The following HGSNAT variants were observed in gnomAD, a reference collection of about 807,000 sequenced individuals.
The protein encoded by HGSNAT is transmembrane protein 76.
In HGSNAT, 59 loss-of-function variants were observed where a neutral mutation model predicts 85.2. That is an observed-to-expected ratio of 0.69 (90% CI 0.56 to 0.86). The LOEUF is 0.86. Ranked by LOEUF, HGSNAT falls within the 40% of genes least tolerant of loss-of-function variation. The pLI is 0.00. For synonymous variants in HGSNAT, 321 were observed against 304.5 expected (o/e 1.05, Z -0.56); for missense variants, 756 against 777.1 (o/e 0.97, Z 0.32).
At chr8:43,180,116 C>T (rs1265770687) in intron 10 of HGSNAT, among the ~76,000 whole-genome samples, 1 of 137,278 alleles carries the variant, frequency 7.3e-6, no homozygotes, top group Non-Finnish European at 1.6e-5. Context: ...CCCCCCCCAC[C>T]GCCTCCCTCC....
In HGSNAT at chr8:43,164,845, T is replaced by C. The variant is rs577630576; in HGVS notation, c.563+3338T>C. Among the ~76,000 whole-genome samples the C allele has an allele frequency of 1.3e-3, 195 of 152,160 alleles. 3 individuals carry two copies. Among genetic ancestry groups the C allele is most frequent in the Non-Finnish European group, 1.8e-3 (123 of 67,988 alleles). On this transcript the variant is annotated intron_variant, in intron 5 of 17. Transcript: ENST00000379644. ...CTTTTACTCAAACGCTTAGAAGCCA[T>C]TGTAGGGCAATTATAATTGGCCTAA...
chr8:43,140,528 T>C lies in HGSNAT; in HGVS notation c.32T>C (p.Leu11Pro), dbSNP rs1025643467. The change falls in exon 1 of 18, where the codon CTG becomes CCG. Residue 11 changes from leucine to proline, a missense_variant. Transcript: ENST00000379644. MSGAGRALAALLLAASVLSAA... is the reference protein window; with the variant it reads MSGAGRALAAPLLAASVLSAA... ...GGGGCGGGCAGGGCGCTGGCCGCGCTGCTGCTGGCCGCGTCCGTGCTGAGC... is the reference window on the plus strand; with the variant it reads ...GGGGCGGGCAGGGCGCTGGCCGCGCCGCTGCTGGCCGCGTCCGTGCTGAGC... The C allele has an allele frequency of 1.4e-5, 16 of 1,115,670 alleles. No homozygotes were observed. The Admixed American group carries it at 8.1e-4, about 57-fold the overall frequency. The allele number at this position is 1,115,670 out of a possible 1,614,324, so 69.1% of individuals were successfully genotyped here. A position where few individuals can be genotyped will look rare whatever the true frequency, so the allele number is the denominator to read the frequency against.
rs727503962 is a variant in HGSNAT at position 43,170,661 on chromosome 8, C to T, written c.710C>T (p.Pro237Leu). The change falls in exon 7 of 18, where the codon CCG becomes CTG. Residue 237 changes from proline to leucine, a missense_variant. Coordinates refer to ENST00000379644, the MANE Select transcript of HGSNAT (RefSeq NM_152419.3). ...GCAACGTGGCGTCTATCTGCCCTGC[C>T]GCCCCGCCTCCGCAGCGTGGACACC... ...QPATWRLSALPPRLRSVDTFR... is the reference protein window; with the variant it reads ...QPATWRLSALLPRLRSVDTFR... 117 of 1,607,410 alleles carry T rather than the reference C, an allele frequency of 7.3e-5. No individual in the cohort carries two copies. Among genetic ancestry groups the T allele is most frequent in the Non-Finnish European group, 8.8e-5 (104 of 1,177,152 alleles).
chr8:43,186,957 A>G (rs1034300224), intron 11 of HGSNAT, among the ~76,000 whole-genome samples: 1 of 152,058 alleles, frequency 6.6e-6, no homozygotes, highest in Admixed American at 6.6e-5. Flanking sequence ...CAGTTTTGAG[A>G]GAGTTTCTTA....
chr8:43,166,486 C>T (rs1345335499), intron 5 of HGSNAT, among the ~76,000 whole-genome samples: 1 of 152,216 alleles, frequency 6.6e-6, no homozygotes, highest in East Asian at 1.9e-4. Context: ...TCTCCTCTGT[C>T]TGTGCTCAAT....
chr8:43,180,730 G>C (rs1804056236), intron 10 of HGSNAT: 1 of 310,774 alleles, frequency 3.2e-6, no homozygotes, highest in Admixed American at 4.6e-5. Context: ...GGCTCTCCGG[G>C]AGGCCAAGGC....
chr8:43,161,575 C>T, intron 5 of HGSNAT, 68 bp downstream of exon 5: 1 of 1,199,426 alleles, frequency 8.3e-7, no homozygotes, highest in Non-Finnish European at 1.2e-6. Flanking sequence ...GAAGGGGCAG[C>T]TGTCACCCTC....
At chr8:43,165,441 G>A (rs61468554) in intron 5 of HGSNAT, among the ~76,000 whole-genome samples, 3,802 of 152,222 alleles carry the variant, frequency 0.025, 156 homozygotes, top group African/African-American at 0.086. Context: ...TTATCCTACA[G>A]TGGCTTCTAA....
intron 2 of HGSNAT, among the ~76,000 whole-genome samples, chr8:43,154,354 C>T (rs1055436431): frequency 7.7e-5 from 11 of 143,528 alleles, no homozygotes; most frequent in Admixed American, 4.9e-4. Context: ...CTCCCCCCAC[C>T]GCACAGCAGG....
intron 5 of HGSNAT, among the ~76,000 whole-genome samples, chr8:43,168,580 AG>A (rs552231132): frequency 1.2e-3 from 187 of 151,824 alleles, no homozygotes; most frequent in African/African-American, 4.4e-3. Flanking sequence ...TATTTTTAGT[AG>A]AGACATGGTT....
At chr8:43,167,372 C>T (rs570088409) in intron 5 of HGSNAT, among the ~76,000 whole-genome samples, 1 of 152,314 alleles carries the variant, frequency 6.6e-6, no homozygotes, top group South Asian at 2.1e-4. Context: ...GAAATTGCCA[C>T]AGCCACCTCA....
Position 43,150,821 on chromosome 8 carries a change from G to T in HGSNAT, c.234+3758G>T, listed in dbSNP as rs190092527. Among the ~76,000 whole-genome samples, 970 of 144,626 alleles carry T rather than the reference G, an allele frequency of 6.7e-3. 13 individuals are homozygous for T. Among genetic ancestry groups the T allele is most frequent in the African/African-American group, 0.023 (881 of 38,344 alleles). The allele number at this position is 144,626 out of a possible 152,430, so 94.9% of individuals were successfully genotyped here. ...TGCACTCCAGCCTGGGTGACAGAGC[G>T]AGACTCCGTTTCAAAATAAATAAAT... On this transcript the variant is annotated intron_variant, in intron 2 of 17. Transcript: ENST00000379644.
chr8:43,167,861 T>C, intron 5 of HGSNAT: 1 of 204,628 alleles, frequency 4.9e-6, no homozygotes, highest in Non-Finnish European at 1.0e-5. Flanking sequence ...TTAATATATT[T>C]ATCTTTTGTT....
intron 2 of HGSNAT, among the ~76,000 whole-genome samples, chr8:43,149,397 T>C (rs1459173835): frequency 6.6e-6 from 1 of 152,114 alleles, no homozygotes; most frequent in Non-Finnish European, 1.5e-5. Context: ...TGAAATTTAA[T>C]GATAATTTTT....
At chr8:43,195,429 G>T (rs1363193021) in intron 14 of HGSNAT, among the ~76,000 whole-genome samples, 1 of 152,042 alleles carries the variant, frequency 6.6e-6, no homozygotes, top group African/African-American at 2.4e-5. Context: ...AGTGGGAGTG[G>T]ATCATCATGA....
chr8:43,161,477 T>G lies in HGSNAT; in HGVS notation c.533T>G (p.Ile178Ser), dbSNP rs752128693. 7 of 1,611,430 alleles carry G rather than the reference T, an allele frequency of 4.3e-6. No individual in the cohort carries two copies. In the Admixed American group the frequency reaches 1.2e-4, roughly 27 times the overall value. ...TTCCTTATTGGTCTTGCTGTCATCA[T>G]TGTGATATCCTTTCTGAGGCTCTTG... ...IAFLIGLAVIIVISFLRLLLS... is the reference protein window; with the variant it reads ...IAFLIGLAVISVISFLRLLLS... Residue 178 changes from isoleucine (I) to serine (S), a missense_variant, in exon 5 of 18, where the codon ATT (isoleucine) becomes AGT (serine). Coordinates refer to ENST00000379644, the MANE Select transcript of HGSNAT (RefSeq NM_152419.3).
chr8:43,182,148 C>A lies in HGSNAT; in HGVS notation c.1016C>A (p.Ser339Tyr), dbSNP rs761456652. The A allele has an allele frequency of 6.2e-7, 1 of 1,613,420 alleles. No individual in the cohort carries two copies. The highest frequency in any genetic ancestry group is 1.1e-5 in the South Asian group (1 of 91,078). The part of the protein sequence containing the change: ...VNPNYCLGPL[S>Y]WDKVRIPGVL... Reference sequence around the variant, plus strand: ...ACCTAACTTGTGTCTTTTGCAGTGTCTTGGGACAAGGTGCGCATTCCTGGT... The same window carrying A: ...ACCTAACTTGTGTCTTTTGCAGTGTATTGGGACAAGGTGCGCATTCCTGGT... The change falls in exon 11 of 18, where the codon TCT (serine) becomes TAT (tyrosine). Residue 339 changes from serine (S) to tyrosine (Y), a missense_variant. Coordinates refer to ENST00000379644, the MANE Select transcript of HGSNAT (RefSeq NM_152419.3).
chr8:43,194,656 C>A, intron 14 of HGSNAT: 1 of 303,050 alleles, frequency 3.3e-6, no homozygotes, highest in South Asian at 1.3e-4. Flanking sequence ...GGGACAAATG[C>A]TGTGTCCTCA....
Position 43,196,966 on chromosome 8 carries a change from T to C in HGSNAT, c.1483T>C (p.Tyr495His). The change falls in exon 15 of 18, where the codon TAT (tyrosine) becomes CAT (histidine). Residue 495 changes from tyrosine (Y) to histidine (H), a missense_variant. Physicochemically the swap from Tyr to His is moderately conservative, Grantham distance 83 (BLOSUM62 2). Coordinates refer to ENST00000379644, the MANE Select transcript of HGSNAT (RefSeq NM_152419.3). ...CCTCCAGGCAGGAAAAATACTATTG[T>C]ATTACAAGGCTCGGACCAAAGACAT... ...LGVQAGKILL[Y>H]YKARTKDILI... The C allele has an allele frequency of 1.2e-6, 2 of 1,609,534 alleles. No homozygotes were observed. Among genetic ancestry groups the C allele is most frequent in the Non-Finnish European group, 1.7e-6 (2 of 1,175,870 alleles).
Sources: gnomAD v4.1 joint callset for allele counts (sites outside exome capture counted in the v4.1 genomes callset) on GRCh38, gnomAD v4.1.1 for gene constraint, MANE v1.5 for transcripts, NCBI Gene and HGNC (gene_info 2026-07-23, HGNC 2026-07-21) for gene names.